Variants in KMT2E observed in about 807,000 individuals in gnomAD.
KMT2E encodes lysine methyltransferase 2E (inactive).
In KMT2E, 30 loss-of-function variants were observed where a neutral mutation model predicts 184.6. The ratio of observed to expected loss-of-function variants is 0.16; its 90% CI spans 0.12 to 0.22. The LOEUF is 0.22. Ranked by LOEUF, KMT2E falls within the 10% of genes least tolerant of loss-of-function variation. KMT2E has a pLI of 1.00. For missense variants in KMT2E, 2,023 were observed against 2,237.4 expected (o/e 0.90, Z 1.93); for synonymous variants, 815 against 776.5 (o/e 1.05, Z -0.82).
At chr7:105,079,115 T>C (rs1021364498) in intron 12 of KMT2E, 152 bp downstream of exon 12, 3 of 499,242 alleles carry the variant, frequency 6.0e-6, no homozygotes, top group African/African-American at 2.0e-5. Flanking sequence ...TGAAAATTTA[T>C]GTGATAACTG....
chr7:105,058,214 C>A (rs192766296), intron 3 of KMT2E, among the ~76,000 whole-genome samples: 21 of 152,212 alleles, frequency 1.4e-4, no homozygotes, highest in African/African-American at 5.1e-4. Flanking sequence ...GAGTTCTGTT[C>A]TTTTCCTTTT....
intron 1 of KMT2E, among the ~76,000 whole-genome samples, chr7:105,033,965 A>G (rs895835017): frequency 2.6e-5 from 4 of 152,176 alleles, no homozygotes; most frequent in East Asian, 1.9e-4. Context: ...GAACGAATCT[A>G]TTCCTCAGAG....
intron 6 of KMT2E, among the ~76,000 whole-genome samples, chr7:105,070,622 G>A (rs1797243242): frequency 7.3e-6 from 1 of 136,490 alleles, no homozygotes; most frequent in African/African-American, 2.8e-5. Flanking sequence ...GAGAGAGCGG[G>A]ACTGTGTCTC....
intron 15 of KMT2E, among the ~76,000 whole-genome samples, chr7:105,093,331 T>A (rs1048213554): frequency 1.7e-4 from 26 of 152,340 alleles, no homozygotes; most frequent in Non-Finnish European, 3.7e-4. Context: ...TATTCTTCTG[T>A]AAATGCTGAC....
intron 3 of KMT2E, among the ~76,000 whole-genome samples, chr7:105,052,405 A>AT (rs1796387056): frequency 1.3e-5 from 2 of 152,052 alleles, no homozygotes; most frequent in Admixed American, 1.3e-4. Context: ...CGTGCTTTAT[A>AT]TTTTTACTAA....
At chr7:105,027,984 A>G (rs1795239568) in intron 1 of KMT2E, among the ~76,000 whole-genome samples, 1 of 152,144 alleles carries the variant, frequency 6.6e-6, no homozygotes, top group South Asian at 2.1e-4. Context: ...CCATTTGCTT[A>G]GTGGCCAACA....
In KMT2E at chr7:105,112,732, T is replaced by C; in HGVS notation, c.4976T>C (p.Val1659Ala). The change falls in exon 27 of 27, where the codon GTT becomes GCT. Residue 1659 changes from valine to alanine, a missense_variant. By Grantham distance (64) the Val-to-Ala change is moderately conservative (BLOSUM62 0). This residue lies in a region of KMT2E where 1,108 missense variants were observed against 1,050.9 expected (regional missense o/e 1.05). Coordinates refer to ENST00000311117, the MANE Select transcript of KMT2E (RefSeq NM_182931.3). ...QHSVAHVVGP[V>A]HAVTPGSHIH... ...TCTGTAGCACATGTAGTAGGGCCTG[T>C]TCATGCGGTCACCCCTGGGTCGCAT... 1 of 1,613,554 alleles carries C rather than the reference T, an allele frequency of 6.2e-7. No homozygotes were observed. Among genetic ancestry groups the C allele is most frequent in the East Asian group, 2.2e-5 (1 of 44,782 alleles).
chr7:105,040,889 C>A lies in KMT2E; in HGVS notation c.-64C>A. On this transcript the variant is annotated 5_prime_UTR_variant, in exon 3 of 27. Coordinates refer to ENST00000311117, the MANE Select transcript of KMT2E (RefSeq NM_182931.3). ...GCAATGAGCACTGTGGCTGGCATGCCCCAGTGTTTTGGATACCAATGCATA... is the reference window on the plus strand; with the variant it reads ...GCAATGAGCACTGTGGCTGGCATGCACCAGTGTTTTGGATACCAATGCATA... 2.5e-6 allele frequency: 3 copies of A among 1,192,878 alleles called. No homozygotes were observed. Among genetic ancestry groups the A allele is most frequent in the South Asian group, 1.3e-5 (1 of 78,462 alleles). 73.9% of individuals were successfully genotyped at this position (1,192,878 alleles called of 1,614,324 possible). A position where few individuals can be genotyped will look rare whatever the true frequency, so the allele number is the denominator to read the frequency against.
chr7:105,088,228 A>G (rs1415778985), intron 13 of KMT2E, among the ~76,000 whole-genome samples: 1 of 152,202 alleles, frequency 6.6e-6, no homozygotes, highest in Admixed American at 6.5e-5. Context: ...TACCTCACGT[A>G]TATGAGAAGA....
rs199593222 is a variant in KMT2E, at chr7:105,107,500, G to A, written c.3043G>A (p.Gly1015Arg). ...GACTGAAGTCAACAGGCAGTGTCCTGGAGAAAAGGAACCTGTGTCAGACCT... is the reference window on the plus strand; with the variant it reads ...GACTGAAGTCAACAGGCAGTGTCCTAGAGAAAAGGAACCTGTGTCAGACCT... ...SRTEVNRQCP[G>R]EKEPVSDLQL... The change falls in exon 22 of 27, where the codon GGA (glycine) becomes AGA (arginine). Residue 1015 changes from glycine (G) to arginine (R), a missense_variant. Gly to Arg is a moderately radical substitution (Grantham distance 125). Transcript: ENST00000311117. 2 of 1,614,156 alleles carry A rather than the reference G, an allele frequency of 1.2e-6. No individual in the cohort carries two copies. Among genetic ancestry groups the A allele is most frequent in the African/African-American group, 1.3e-5 (1 of 75,026 alleles).
intron 6 of KMT2E, among the ~76,000 whole-genome samples, chr7:105,068,934 G>C (rs1797167510): frequency 6.6e-6 from 1 of 152,178 alleles, no homozygotes; most frequent in African/African-American, 2.4e-5. Context: ...GTGGATGTCA[G>C]TCTCTTGCAG....
At chr7:105,083,982 T>C (rs1797863144) in intron 13 of KMT2E, among the ~76,000 whole-genome samples, 1 of 152,284 alleles carries the variant, frequency 6.6e-6, no homozygotes, top group African/African-American at 2.4e-5. Flanking sequence ...TAGAAACATA[T>C]TAGGATCTAT....
intron 12 of KMT2E, 134 bp from the exon 13 acceptor site, chr7:105,081,554 C>A (rs1413676092): frequency 9.6e-6 from 6 of 622,358 alleles, no homozygotes; most frequent in Non-Finnish European, 1.4e-5. Flanking sequence ...TAGTTATAAG[C>A]CTTGTCATTA....
chr7:105,113,098 G>C lies in KMT2E; in HGVS notation c.5342G>C (p.Gly1781Ala). The change falls in exon 27 of 27, where the codon GGA becomes GCA. Residue 1781 changes from glycine to alanine, a missense_variant. Coordinates refer to ENST00000311117, the MANE Select transcript of KMT2E (RefSeq NM_182931.3). ...LGPGPQHQPS[G>A]TGPHCPLPVT... ...CCGGGACCCCAGCACCAGCCTTCTG[G>C]AACAGGGCCACATTGTCCATTACCT... 1 of 1,614,042 alleles carries C rather than the reference G, an allele frequency of 6.2e-7. No homozygotes were observed. Among genetic ancestry groups the C allele is most frequent in the Non-Finnish European group, 8.5e-7 (1 of 1,180,008 alleles).
At chr7:105,042,719 A>G (rs888726562) in intron 3 of KMT2E, among the ~76,000 whole-genome samples, 12 of 152,210 alleles carry the variant, frequency 7.9e-5, no homozygotes. Flanking sequence ...ACCAAACTTC[A>G]TTTGCTCTTT....
chr7:105,079,136 CTTT>C (rs375440773), intron 12 of KMT2E, among the ~76,000 whole-genome samples, 173 bp downstream of exon 12: 6 of 135,666 alleles, frequency 4.4e-5, no homozygotes, highest in Non-Finnish European at 4.8e-5. Context: ...GCTATGAAGT[CTTT>C]TTTTTTTTTT....
At chr7:105,107,326 T>C in intron 21 of KMT2E, 36 bp from the exon 22 acceptor site, 2 of 1,526,228 alleles carry the variant, frequency 1.3e-6, no homozygotes, top group South Asian at 2.5e-5. Context: ...CAAGATGTGA[T>C]TATTTGTGTA....
intron 3 of KMT2E, among the ~76,000 whole-genome samples, chr7:105,042,569 A>G (rs1795929305): frequency 6.6e-6 from 1 of 152,188 alleles, no homozygotes; most frequent in Non-Finnish European, 1.5e-5. Context: ...ATAATTAATA[A>G]AAGGTAGAGT....
intron 22 of KMT2E, chr7:105,108,545 G>GTCCA (rs1799011561): frequency 2.2e-6 from 1 of 455,612 alleles, no homozygotes; most frequent in Non-Finnish European, 4.4e-6. Flanking sequence ...TTATAACAGA[G>GTCCA]TCCAGTTGGC....
Sources: allele counts gnomAD v4.1 joint callset (sites outside exome capture counted in the v4.1 genomes callset), GRCh38; gene constraint gnomAD v4.1.1; regional missense constraint gnomAD v4.1.1; transcripts MANE v1.5; gene names NCBI Gene and HGNC (gene_info 2026-07-23, HGNC 2026-07-21).